The following NCOA3 variants were observed in gnomAD, a reference collection of about 807,000 sequenced individuals.
NCOA3 encodes CBP-interacting protein.
NCOA3 carries 51 observed loss-of-function variants against 158.8 expected under a neutral mutation model. The observed-to-expected ratio is 0.32, with a 90% confidence interval of 0.26 to 0.41. The LOEUF (loss-of-function observed/expected upper bound fraction) is 0.41. Among genes scored for constraint, NCOA3 ranks in the 10% least tolerant of loss-of-function variants. The pLI is 1.00. For synonymous variants in NCOA3, 537 were observed against 592.4 expected, an observed-to-expected ratio of 0.91 and a Z score of 1.36; for missense variants, 1,510 against 1,746.6, an observed-to-expected ratio of 0.86 and a Z score of 2.41.
intron 1 of NCOA3, among the ~76,000 whole-genome samples, chr20:47,553,812 G>T (rs1417690382): frequency 6.6e-6 from 1 of 152,000 alleles, no homozygotes; most frequent in East Asian, 1.9e-4. Context: ...TGGACATTTG[G>T]GTTGGTTCCA....
rs570558505 is a variant in NCOA3, at chr20:47,647,650, T to C, written c.3546+284T>C. The stretch of plus-strand genomic sequence containing the variant: ...TTTGTAGTCTTAAAGGTAGATAAGG[T>C]TTTTTTTGAAAAAAATCCTTACTGC... On this transcript the variant is annotated intron_variant, in intron 18 of 22. Coordinates refer to ENST00000371998, the MANE Select transcript of NCOA3 (RefSeq NM_181659.3). Among the ~76,000 whole-genome samples the C allele has an allele frequency of 1.4e-4, 21 of 151,900 alleles. No homozygotes were observed. In the South Asian group the frequency reaches 4.4e-3, roughly 32 times the overall value.
chr20:47,570,540 A>G (rs115585956), intron 1 of NCOA3, among the ~76,000 whole-genome samples: 1,542 of 152,198 alleles, frequency 0.01, 25 homozygotes, highest in African/African-American at 0.034. Context: ...GTCTTTTCCT[A>G]TTTCCACCAC....
At chr20:47,640,773 A>G (rs1475028147) in intron 16 of NCOA3, among the ~76,000 whole-genome samples, 1 of 151,484 alleles carries the variant, frequency 6.6e-6, no homozygotes, top group East Asian at 1.9e-4. Context: ...CTGTAGTCCC[A>G]GCTACTCAGG....
intron 1 of NCOA3, among the ~76,000 whole-genome samples, chr20:47,550,134 A>G (rs1456562483): frequency 6.9e-6 from 1 of 144,532 alleles, no homozygotes. Flanking sequence ...TTGTATTTCA[A>G]TTTTTTTTTT....
intron 1 of NCOA3, among the ~76,000 whole-genome samples, chr20:47,543,183 C>T (rs2084773431): frequency 6.6e-6 from 1 of 152,066 alleles, no homozygotes; most frequent in Non-Finnish European, 1.5e-5. Flanking sequence ...CCTGAGTGTC[C>T]TAAAGCTACT....
intron 1 of NCOA3, among the ~76,000 whole-genome samples, chr20:47,522,340 G>A (rs1473330020): frequency 1.3e-5 from 2 of 151,144 alleles, no homozygotes; most frequent in African/African-American, 4.9e-5. Context: ...CTGACCTCGT[G>A]ATCTGCCCGC....
At position 47,636,386 on chromosome 20, in the gene NCOA3, T is replaced by C; in HGVS notation, c.2000T>C (p.Val667Ala). The change falls in exon 12 of 23, where the codon GTA becomes GCA. Residue 667 changes from valine (V) to alanine (A), a missense_variant. Val to Ala is a moderately conservative substitution (Grantham distance 64, BLOSUM62 0). This residue lies in a region of NCOA3 where 1,017 missense variants were observed against 1,098.3 expected (regional missense o/e 0.93). Coordinates refer to ENST00000371998, the MANE Select transcript of NCOA3 (RefSeq NM_181659.3). ...SGVSSSTSGG[V>A]SSTSNMHGSL... The stretch of plus-strand genomic sequence containing the variant: ...GTCTCCTCCTCTACATCTGGAGGAG[T>C]ATCCTCTACATCCAATATGCATGGG... The C allele has an allele frequency of 6.2e-7, 1 of 1,613,960 alleles. No individual in the cohort carries two copies. Among genetic ancestry groups the C allele is most frequent in the Non-Finnish European group, 8.5e-7 (1 of 1,179,988 alleles).
At chr20:47,576,509 T>C (rs1420621991) in intron 1 of NCOA3, among the ~76,000 whole-genome samples, 1 of 152,164 alleles carries the variant, frequency 6.6e-6, no homozygotes, top group Admixed American at 6.6e-5. Flanking sequence ...AAGAAGATAA[T>C]TACTCGATCA....
At chr20:47,598,134 C>G (rs1394243063) in intron 2 of NCOA3, among the ~76,000 whole-genome samples, 1 of 149,334 alleles carries the variant, frequency 6.7e-6, no homozygotes, top group African/African-American at 2.5e-5. Flanking sequence ...GTAGTCCCAG[C>G]TACTCTGGAG....
chr20:47,628,953 A>C (rs2146308754), intron 8 of NCOA3, among the ~76,000 whole-genome samples: 1 of 152,336 alleles, frequency 6.6e-6, no homozygotes, highest in South Asian at 2.1e-4. Context: ...TTGGTGACAG[A>C]GATTGGGTTA....
At chr20:47,554,555 C>T (rs1169825212) in intron 1 of NCOA3, among the ~76,000 whole-genome samples, 1 of 120,470 alleles carries the variant, frequency 8.3e-6, no homozygotes, top group Non-Finnish European at 1.7e-5. Flanking sequence ...CATTCTTATA[C>T]ACCAATAACA....
At chr20:47,606,475 A>G (rs1238604343) in intron 2 of NCOA3, among the ~76,000 whole-genome samples, 1 of 152,154 alleles carries the variant, frequency 6.6e-6, no homozygotes, top group Non-Finnish European at 1.5e-5. Flanking sequence ...CCAGGAGCTC[A>G]TAAAGAAAAA....
intron 1 of NCOA3, among the ~76,000 whole-genome samples, chr20:47,559,930 G>A (rs1293688756): frequency 6.6e-6 from 1 of 151,908 alleles, no homozygotes; most frequent in East Asian, 1.9e-4. Flanking sequence ...AGGATTACAG[G>A]CGTGAGCCAC....
chr20:47,621,654 A>ATTTTTTTTTTTTTTTTTTTTTTTTTTT (rs749582388), intron 2 of NCOA3, among the ~76,000 whole-genome samples: 3 of 119,792 alleles, frequency 2.5e-5, no homozygotes, highest in African/African-American at 6.8e-5. Flanking sequence ...CATCAGTCAA[A>ATTTTTTTTTTTTTTTTTTTTTTTTTTT]TTTTTTTTTT....
At chr20:47,530,369 A>T (rs969491447) in intron 1 of NCOA3, among the ~76,000 whole-genome samples, 1 of 151,838 alleles carries the variant, frequency 6.6e-6, no homozygotes, top group African/African-American at 2.4e-5. Flanking sequence ...TTTTAAAAGG[A>T]TTTGTATAGA....
intron 17 of NCOA3, 140 bp downstream of exon 17, chr20:47,642,524 C>A: frequency 2.0e-6 from 1 of 511,396 alleles, no homozygotes; most frequent in Non-Finnish European, 3.1e-6. Flanking sequence ...TGGATACCAG[C>A]ATTAAATTTG....
At chr20:47,625,927 C>T (rs540218157) in intron 5 of NCOA3, among the ~76,000 whole-genome samples, 65 of 152,182 alleles carry the variant, frequency 4.3e-4, no homozygotes, top group Non-Finnish European at 8.8e-4. Flanking sequence ...GGTATTATAA[C>T]TAATCTAGAG....
At chr20:47,516,121 G>C (rs2084229185) in intron 1 of NCOA3, among the ~76,000 whole-genome samples, 1 of 152,174 alleles carries the variant, frequency 6.6e-6, no homozygotes, top group South Asian at 2.1e-4. Flanking sequence ...GATACATGTT[G>C]TTATAAATTG....
In NCOA3 at chr20:47,578,842, G is replaced by A. The variant is rs2085411036; in HGVS notation, c.-98-4341G>A. On this transcript the variant is annotated intron_variant, in intron 1 of 22. Coordinates refer to ENST00000371998, the MANE Select transcript of NCOA3 (RefSeq NM_181659.3). ...AGGAGATCCTGGGAGCAGTGCCAGT[G>A]GGAGCTTGGAAAGAACAATGGGTTT... 2.0e-5 allele frequency among the ~76,000 whole-genome samples: 3 copies of A among 152,266 alleles called. No homozygotes were observed. In the South Asian group the frequency reaches 6.2e-4, roughly 32 times the overall value.
Sources: allele counts gnomAD v4.1 joint callset (sites outside exome capture counted in the v4.1 genomes callset), GRCh38; gene constraint gnomAD v4.1.1; regional missense constraint gnomAD v4.1.1; transcripts MANE v1.5; gene names NCBI Gene and HGNC (gene_info 2026-07-23, HGNC 2026-07-21).